The following RASA2 variants were observed in gnomAD, a reference collection of about 807,000 sequenced individuals.
RASA2 encodes the protein RAS p21 protein activator 2.
A neutral mutation model predicts 118.2 loss-of-function variants in RASA2; 155 were observed. The observed-to-expected ratio is 1.31, with a 90% CI of 1.15 to 1.50. The LOEUF (loss-of-function observed/expected upper bound fraction) is 1.50. RASA2 is among the 40% of genes most tolerant of loss of function. The pLI is 0.00. For synonymous variants in RASA2, 353 were observed against 349.1 expected, an observed-to-expected ratio of 1.01 and a Z score of -0.12; for missense variants, 1,016 against 1,009.6, an observed-to-expected ratio of 1.01 and a Z score of -0.09.
chr3:141,572,061 T>TATATATATATATATATAC (rs1250945462), intron 11 of RASA2, among the ~76,000 whole-genome samples: 3 of 98,266 alleles, frequency 3.1e-5, no homozygotes, highest in East Asian at 2.8e-4. Flanking sequence ...TATATATATA[T>TATATATATATATATATAC]ACACACACAC....
At position 141,572,652 on chromosome 3, in the gene RASA2, T is replaced by C; in HGVS notation, c.1213T>C (p.Cys405Arg). 2.5e-6 allele frequency: 4 copies of C among 1,613,662 alleles called. No homozygotes were observed. The highest frequency in any genetic ancestry group is 3.4e-6 in the Non-Finnish European group (4 of 1,179,754). ...TAGAGGAAATTCCCTGGCTACCCGA[T>C]GTCTGGATGAGATGATGAAAATAGT... ...IFRGNSLATR[C>R]LDEMMKIVGG... is the part of the protein sequence containing the mutation. Residue 405 changes from cysteine (C) to arginine (R), a missense_variant, in exon 12 of 24, where the codon TGT (cysteine) becomes CGT (arginine). By Grantham distance (180) the Cys-to-Arg change is radical. Coordinates refer to ENST00000286364, the MANE Select transcript of RASA2 (RefSeq NM_006506.5).
chr3:141,567,309 G>A (rs995110348), intron 9 of RASA2, among the ~76,000 whole-genome samples: 3 of 151,998 alleles, frequency 2.0e-5, no homozygotes, highest in Admixed American at 1.3e-4. Context: ...CCAGCTACTC[G>A]GGAGGCTGAG....
intron 22 of RASA2, 50 bp downstream of exon 22, chr3:141,609,573 C>A: frequency 1.5e-6 from 2 of 1,349,194 alleles, no homozygotes; most frequent in Non-Finnish European, 2.1e-6. Context: ...ATTACCAATT[C>A]CTAAAGTATT....
In RASA2 at chr3:141,608,624, G is replaced by A; in HGVS notation, c.2152G>A (p.Val718Met). ...CAGGCTCAGTTTTTATCATCCCTCTGTGTATCTGAACGGAAATTGGCTCTG... is the reference window on the plus strand; with the variant it reads ...CAGGCTCAGTTTTTATCATCCCTCTATGTATCTGAACGGAAATTGGCTCTG... Reference protein sequence around the residue: ...QNRLSFYHPSVYLNGNWLCCQ... With the variant: ...QNRLSFYHPSMYLNGNWLCCQ... The change falls in exon 21 of 24, where the codon GTG becomes ATG. Residue 718 changes from valine (V) to methionine (M), a missense_variant. This residue lies in a region of RASA2 where 120 missense variants were observed against 173.2 expected (regional missense o/e 0.69). Coordinates refer to ENST00000286364, the MANE Select transcript of RASA2 (RefSeq NM_006506.5). 1 of 1,614,030 alleles carries A rather than the reference G, an allele frequency of 6.2e-7. No homozygotes were observed. The highest frequency in any genetic ancestry group is 8.5e-7 in the Non-Finnish European group (1 of 1,179,938).
Position 141,533,691 on chromosome 3 carries a change from C to T in RASA2, c.450+3889C>T, listed in dbSNP as rs370653668. ...TAATAGTTCTTTTCAGTTTCATCTTCAGTAGTTCAAAATATTGTTAGTAAC... is the reference window on the plus strand; with the variant it reads ...TAATAGTTCTTTTCAGTTTCATCTTTAGTAGTTCAAAATATTGTTAGTAAC... On this transcript the variant is annotated intron_variant, in intron 4 of 23. Transcript: ENST00000286364. Among the ~76,000 whole-genome samples, 56 of 152,218 alleles carry T rather than the reference C, an allele frequency of 3.7e-4. 1 individual carries two copies. The South Asian group carries it at 0.012, about 32-fold the overall frequency.
At chr3:141,605,647 A>G (rs1209578597) in intron 19 of RASA2, among the ~76,000 whole-genome samples, 2 of 151,976 alleles carry the variant, frequency 1.3e-5, no homozygotes, top group East Asian at 1.9e-4. Flanking sequence ...ACCCAAAGAC[A>G]TAGGTCTCTT....
intron 4 of RASA2, among the ~76,000 whole-genome samples, chr3:141,530,824 C>T (rs2082249242): frequency 6.6e-6 from 1 of 152,094 alleles, no homozygotes; most frequent in Non-Finnish European, 1.5e-5. Flanking sequence ...ATGACCATAG[C>T]TATTATTCAG....
chr3:141,489,960 G>A (rs2081620475), intron 1 of RASA2, among the ~76,000 whole-genome samples: 1 of 150,346 alleles, frequency 6.7e-6, no homozygotes, highest in Admixed American at 6.6e-5. Context: ...TTTTGCTTGA[G>A]TGTACTTTTT....
chr3:141,553,866 A>G lies in RASA2; in HGVS notation c.537A>G (p.Ala179=). 2 of 1,611,464 alleles carry G rather than the reference A, an allele frequency of 1.2e-6. No individual in the cohort carries two copies. Among genetic ancestry groups the G allele is most frequent in the Non-Finnish European group, 1.7e-6 (2 of 1,178,786 alleles). The change falls in exon 6 of 24, where the codon GCA becomes GCG. Residue 179 remains alanine (A), a synonymous_variant. Coordinates refer to ENST00000286364, the MANE Select transcript of RASA2 (RefSeq NM_006506.5). ...VCQQLVVHIK[A]CHGLPLINGQ... ...TTTTATTCTACCTTAGCATCAAGGCATGCCATGGGTTGCCTCTCATAAATG... is the reference window on the plus strand; with the variant it reads ...TTTTATTCTACCTTAGCATCAAGGCGTGCCATGGGTTGCCTCTCATAAATG...
At chr3:141,568,168 G>A (rs927483725) in intron 9 of RASA2, among the ~76,000 whole-genome samples, 2 of 151,916 alleles carry the variant, frequency 1.3e-5, no homozygotes, top group Admixed American at 6.6e-5. Context: ...TAAAGAACTC[G>A]AGTCCATTCA....
intron 5 of RASA2, among the ~76,000 whole-genome samples, chr3:141,550,102 T>C (rs7640498): frequency 0.048 from 7,299 of 152,158 alleles, 583 homozygotes; most frequent in African/African-American, 0.17. Flanking sequence ...AAAATCAACA[T>C]TGGCAAACAT....
chr3:141,498,903 G>A (rs1361226152), intron 1 of RASA2, among the ~76,000 whole-genome samples: 1 of 152,152 alleles, frequency 6.6e-6, no homozygotes, highest in Admixed American at 6.5e-5. Flanking sequence ...GTACTTCAGA[G>A]TTTGGTTTGC....
intron 19 of RASA2, among the ~76,000 whole-genome samples, chr3:141,600,025 T>TA (rs1256283297): frequency 6.6e-6 from 1 of 152,192 alleles, no homozygotes; most frequent in African/African-American, 2.4e-5. Context: ...GGAAGTTACT[T>TA]ACGTTTATAT....
intron 4 of RASA2, among the ~76,000 whole-genome samples, chr3:141,534,026 G>C (rs781408092): frequency 9.9e-5 from 15 of 152,070 alleles, no homozygotes; most frequent in Non-Finnish European, 1.0e-4. Flanking sequence ...TATGGTCCTA[G>C]TTATCATCTA....
At chr3:141,586,157 A>G (rs879176538) in intron 18 of RASA2, 59 bp downstream of exon 18, 1 of 1,451,684 alleles carries the variant, frequency 6.9e-7, no homozygotes, top group South Asian at 1.2e-5. Context: ...AAGTAAGTAC[A>G]AAGAGCGTGG....
chr3:141,585,435 T>C (rs573588153), intron 17 of RASA2, among the ~76,000 whole-genome samples: 5 of 152,168 alleles, frequency 3.3e-5, no homozygotes, highest in Non-Finnish European at 5.9e-5. Flanking sequence ...TATTTCAGAA[T>C]TGCAGTTAAG....
intron 19 of RASA2, among the ~76,000 whole-genome samples, chr3:141,591,616 G>C (rs1480698873): frequency 2.0e-5 from 3 of 152,094 alleles, no homozygotes; most frequent in Non-Finnish European, 4.4e-5. Flanking sequence ...ATTTCTGCCA[G>C]GCATACTAAT....
chr3:141,535,536 T>C (rs2082315151), intron 4 of RASA2, among the ~76,000 whole-genome samples: 1 of 152,188 alleles, frequency 6.6e-6, no homozygotes, highest in Non-Finnish European at 1.5e-5. Context: ...TAAAGGAACA[T>C]CTAAGGCTGA....
At chr3:141,506,919 AAAAAAAAAAAAAAG>A (rs2081876987) in intron 1 of RASA2, among the ~76,000 whole-genome samples, 1 of 150,610 alleles carries the variant, frequency 6.6e-6, no homozygotes, top group Non-Finnish European at 1.5e-5. Flanking sequence ...CTGTCTCAAA[AAAAAAAAAAAAAAG>A]AAAAAGAAAA....
Sources: allele counts gnomAD v4.1 joint callset (sites outside exome capture counted in the v4.1 genomes callset), GRCh38; gene constraint gnomAD v4.1.1; regional missense constraint gnomAD v4.1.1; transcripts MANE v1.5; gene names NCBI Gene and HGNC (gene_info 2026-07-23, HGNC 2026-07-21).